BTBD16: variants seen among roughly 807,000 people sequenced by gnomAD.
BTBD16 encodes BTB/POZ domain-containing protein 16.
BTBD16 carries 66 observed loss-of-function variants against 67.4 expected under a neutral mutation model. The observed-to-expected ratio is 0.98, with a 90% CI of 0.80 to 1.20. The LOEUF (loss-of-function observed/expected upper bound fraction) is 1.20. Among genes scored for constraint, BTBD16 ranks in the 50% most tolerant of loss-of-function variants. BTBD16 has a pLI of 0.00. For missense variants in BTBD16, 634 were observed against 616.0 expected, an observed-to-expected ratio of 1.03 and a Z score of -0.31; for synonymous variants, 242 against 236.4, an observed-to-expected ratio of 1.02 and a Z score of -0.22.
At chr10:122,273,891 A>G (rs2096334641) in intron 1 of BTBD16, among the ~76,000 whole-genome samples, 1 of 152,198 alleles carries the variant, frequency 6.6e-6, no homozygotes, top group African/African-American at 2.4e-5. Flanking sequence ...GCAAAGAAAA[A>G]CCTGTCTGCC....
chr10:122,295,203 C>T, intron 7 of BTBD16: 2 of 598,346 alleles, frequency 3.3e-6, no homozygotes, highest in South Asian at 7.3e-5. Context: ...AGAAGGAAGG[C>T]ATGGAAATCA....
At position 122,291,194 on chromosome 10, in the gene BTBD16, G is replaced by A; in HGVS notation, c.590G>A (p.Arg197Lys). Residue 197 changes from arginine to lysine, a missense_variant and splice_region_variant, in exon 7 of 16, where the codon AGG becomes AAG. Transcript: ENST00000260723. The part of the protein sequence containing the change: ...HILQFSGLFQ[R>K]CVDVMIARLK... The stretch of plus-strand genomic sequence containing the variant: ...CTCCAGTTCAGTGGCCTGTTTCAAA[G>A]GTAAGGAAACAAGGCTGACTTTGGG... 1 of 1,609,198 alleles carries A rather than the reference G, an allele frequency of 6.2e-7. No homozygotes were observed. The highest frequency in any genetic ancestry group is 8.5e-7 in the Non-Finnish European group (1 of 1,177,708).
At chr10:122,305,203 C>CATG (rs1263122213) in intron 9 of BTBD16, among the ~76,000 whole-genome samples, 13 of 152,192 alleles carry the variant, frequency 8.5e-5, no homozygotes, top group Non-Finnish European at 1.6e-4. Flanking sequence ...GCAGGTTGTA[C>CATG]ATGAGTAAAT....
At chr10:122,325,142 C>G (rs531728949) in intron 10 of BTBD16, among the ~76,000 whole-genome samples, 85 of 152,242 alleles carry the variant, frequency 5.6e-4, no homozygotes, top group African/African-American at 1.9e-3. Context: ...CAGGGCTGGC[C>G]CTACTGGCCT....
intron 10 of BTBD16, among the ~76,000 whole-genome samples, chr10:122,316,790 CTTT>C (rs528679644): frequency 7.0e-6 from 1 of 142,994 alleles, no homozygotes; most frequent in Admixed American, 7.1e-5. Flanking sequence ...GCACTGTAGA[CTTT>C]TTTTTTTTTT....
chr10:122,306,038 C>T (rs2096403110), intron 9 of BTBD16, among the ~76,000 whole-genome samples: 1 of 152,156 alleles, frequency 6.6e-6, no homozygotes, highest in East Asian at 1.9e-4. Flanking sequence ...TGAATAGTGT[C>T]CGCGGGCTTT....
At chr10:122,331,031 T>C (rs2096454227) in intron 11 of BTBD16, 145 bp from the exon 12 acceptor site, 1 of 1,015,406 alleles carries the variant, frequency 9.8e-7, no homozygotes, top group Non-Finnish European at 1.4e-6. Flanking sequence ...TTATTTCCAC[T>C]TTGTCAATCA....
At position 122,298,872 on chromosome 10, in the gene BTBD16, T is replaced by A. The variant is rs560636412; in HGVS notation, c.661-132T>A. On this transcript the variant is annotated intron_variant, in intron 8 of 15. Transcript: ENST00000260723. ...GAAAAGGTATCTGCTGTAATTCATGTATTTTGTAGAAAAGGTTTGAGCGCC... is the reference window on the plus strand; with the variant it reads ...GAAAAGGTATCTGCTGTAATTCATGAATTTTGTAGAAAAGGTTTGAGCGCC... 4 of 1,136,608 alleles carry A rather than the reference T, an allele frequency of 3.5e-6. No individual in the cohort carries two copies. In the South Asian group the frequency reaches 6.5e-5, roughly 19 times the overall value. The allele number at this position is 1,136,608 out of a possible 1,614,324, so 70.4% of individuals were successfully genotyped here. A position where few individuals can be genotyped will look rare whatever the true frequency, so the allele number is the denominator to read the frequency against.
chr10:122,313,514 C>T (rs1213648856), intron 10 of BTBD16, among the ~76,000 whole-genome samples: 11 of 151,978 alleles, frequency 7.2e-5, no homozygotes, highest in Non-Finnish European at 1.2e-4. Context: ...CCGCCCGCCT[C>T]GGCCTCCCAA....
At chr10:122,283,677 TAC>T (rs1287285455) in intron 3 of BTBD16, among the ~76,000 whole-genome samples, 172 bp from the exon 4 acceptor site, 5 of 152,124 alleles carry the variant, frequency 3.3e-5, no homozygotes, top group Non-Finnish European at 7.4e-5. Flanking sequence ...TCAGAAAGCC[TAC>T]AGTTTTTCAG....
rs760225146 is a variant in BTBD16 at position 122,329,510 on chromosome 10, G to C, written c.942G>C (p.Arg314=). ...CTGAGAACTGTTGCTTTCTGGACCG[G>C]GACATAGGACGGAGCTTGAGGCCGC... ...SFPENCCFLD[R]DIGRSLRPLF... is the part of the protein sequence containing the mutation. Residue 314 remains arginine, a synonymous_variant, in exon 11 of 16, where the codon CGG becomes CGC. Coordinates refer to ENST00000260723, the MANE Select transcript of BTBD16 (RefSeq NM_144587.5). 6.8e-6 allele frequency: 11 copies of C among 1,613,758 alleles called. No individual in the cohort carries two copies. Among genetic ancestry groups the C allele is most frequent in the African/African-American group, 1.3e-5 (1 of 74,856 alleles).
In BTBD16 at chr10:122,291,091, G is replaced by A; in HGVS notation, c.487G>A (p.Ala163Thr). 6.2e-7 allele frequency: 1 copy of A among 1,611,614 alleles called. No homozygotes were observed. Among genetic ancestry groups the A allele is most frequent in the South Asian group, 1.1e-5 (1 of 90,490 alleles). Residue 163 changes from alanine to threonine, a missense_variant, in exon 7 of 16, where the codon GCC (alanine) becomes ACC (threonine). By Grantham distance (58) the Ala-to-Thr change is moderately conservative. Transcript: ENST00000260723. The part of the protein sequence containing the change: ...PLVTKVAFAT[A>T]LKNLYMSEVE... ...CTGTGCCTCCCCAGCCTTCGCCACG[G>A]CCCTGAAGAACCTCTACATGAGTGA...
At chr10:122,303,617 G>A (rs542805493) in intron 9 of BTBD16, 16 of 691,844 alleles carry the variant, frequency 2.3e-5, no homozygotes, top group East Asian at 1.4e-4. Flanking sequence ...GTCTACATAC[G>A]AAAGAGGACT....
At chr10:122,277,386 G>C (rs542623696) in intron 3 of BTBD16, among the ~76,000 whole-genome samples, 4 of 152,278 alleles carry the variant, frequency 2.6e-5, no homozygotes, top group Non-Finnish European at 4.4e-5. Context: ...TCCATGTGAT[G>C]AGTTCTCTCT....
intron 3 of BTBD16, among the ~76,000 whole-genome samples, chr10:122,278,625 C>T (rs1402462289): frequency 6.6e-6 from 1 of 152,196 alleles, no homozygotes; most frequent in Non-Finnish European, 1.5e-5. Flanking sequence ...TTCACTCTGC[C>T]TCCTTGCACC....
intron 1 of BTBD16, among the ~76,000 whole-genome samples, chr10:122,272,862 A>T (rs1358290044): frequency 6.6e-6 from 1 of 152,176 alleles, no homozygotes; most frequent in Non-Finnish European, 1.5e-5. Context: ...ACAGTAACCC[A>T]GTAGAAAATT....
chr10:122,299,218 G>A, intron 9 of BTBD16, 84 bp downstream of exon 9: 1 of 1,494,874 alleles, frequency 6.7e-7, no homozygotes, highest in Non-Finnish European at 9.0e-7. Context: ...GTGCTCTGAT[G>A]GAGGCTGCAC....
At position 122,278,004 on chromosome 10, in the gene BTBD16, A is replaced by G. The variant is rs958666885; in HGVS notation, c.167+1065A>G. On this transcript the variant is annotated intron_variant, in intron 3 of 15. Coordinates refer to ENST00000260723, the MANE Select transcript of BTBD16 (RefSeq NM_144587.5). Reference sequence around the variant, plus strand: ...CTGTACTCCTGGGACAGCACCTGGCACAGAAGAACTGCCTGCTCAATCTTT... The same window carrying G: ...CTGTACTCCTGGGACAGCACCTGGCGCAGAAGAACTGCCTGCTCAATCTTT... Among the ~76,000 whole-genome samples the G allele has an allele frequency of 3.9e-5, 6 of 152,312 alleles. No homozygotes were observed. The South Asian group carries it at 1.2e-3, about 32-fold the overall frequency.
At chr10:122,331,139 T>C in intron 11 of BTBD16, 37 bp from the exon 12 acceptor site, 1 of 1,602,168 alleles carries the variant, frequency 6.2e-7, no homozygotes, top group Non-Finnish European at 8.5e-7. Flanking sequence ...CTGGTGTGAA[T>C]AAAACTAAAA....
Sources: allele counts gnomAD v4.1 joint callset (sites outside exome capture counted in the v4.1 genomes callset), GRCh38; gene constraint gnomAD v4.1.1; transcripts MANE v1.5; gene names NCBI Gene and HGNC (gene_info 2026-07-23, HGNC 2026-07-21).